DALRD3: variants seen among roughly 807,000 people sequenced by gnomAD.
The protein encoded by DALRD3 is DALR anticodon binding domain containing 3.
A neutral mutation model predicts 56.7 loss-of-function variants in DALRD3; 47 were observed. The observed-to-expected ratio is 0.83, with a 90% CI of 0.66 to 1.06. DALRD3 has a LOEUF of 1.06. DALRD3 is among the 50% of genes least tolerant of loss of function. DALRD3 has a pLI of 0.00. For missense variants in DALRD3, 787 were observed against 724.0 expected (o/e 1.09, Z -1.00); for synonymous variants, 347 against 308.5 (o/e 1.12, Z -1.31).
At position 49,018,464 on chromosome 3, in the gene DALRD3, T is replaced by C; in HGVS notation, c.101A>G (p.His34Arg). 6.3e-7 allele frequency: 1 copy of C among 1,589,168 alleles called. No individual in the cohort carries two copies. The highest frequency in any genetic ancestry group is 8.6e-7 in the Non-Finnish European group (1 of 1,168,164). Residue 34 changes from histidine to arginine, a missense_variant, in exon 1 of 12, where the codon CAC becomes CGC. Coordinates refer to ENST00000341949, the MANE Select transcript of DALRD3 (RefSeq NM_001009996.3). ...PVWIKETRTR[H>R]LRSRDFLAPH... is the part of the protein sequence containing the mutation. Reference sequence around the variant, plus strand: ...TGCCAGAAAGTCTCGGGAACGCAGGTGGCGGGTGCGCGTCTCCTTGATCCA... The same window carrying C: ...TGCCAGAAAGTCTCGGGAACGCAGGCGGCGGGTGCGCGTCTCCTTGATCCA...
In DALRD3 at chr3:49,018,475, C is replaced by A; in HGVS notation, c.90G>T (p.Thr30=). The A allele has an allele frequency of 6.3e-7, 1 of 1,587,824 alleles. No homozygotes were observed. Among genetic ancestry groups the A allele is most frequent in the Non-Finnish European group, 8.6e-7 (1 of 1,167,354 alleles). The change falls in exon 1 of 12, where the codon ACG becomes ACT. Residue 30 remains threonine, a synonymous_variant. Coordinates refer to ENST00000341949, the MANE Select transcript of DALRD3 (RefSeq NM_001009996.3). ...GPGGPVWIKE[T]RTRHLRSRDF... ...CTCGGGAACGCAGGTGGCGGGTGCGCGTCTCCTTGATCCACACCGGACCGC... is the reference window on the plus strand; with the variant it reads ...CTCGGGAACGCAGGTGGCGGGTGCGAGTCTCCTTGATCCACACCGGACCGC...
chr3:49,017,925 T>C, intron 2 of DALRD3, 56 bp from the exon 3 acceptor site: 1 of 1,548,042 alleles, frequency 6.5e-7, no homozygotes, highest in East Asian at 2.3e-5. Context: ...TCGCCACGAC[T>C]TCCCACCTCC....
chr3:49,016,183 A>AGACT lies in DALRD3; in HGVS notation c.1300_1303dup (p.Leu435GlnfsTer9). The AGACT allele has an allele frequency of 6.2e-7, 1 of 1,614,180 alleles. No individual in the cohort carries two copies. The highest frequency in any genetic ancestry group is 8.5e-7 in the Non-Finnish European group (1 of 1,180,020). On this transcript the variant is annotated frameshift_variant, in exon 9 of 12. Transcript: ENST00000341949. LOFTEE classifies it high-confidence loss of function. Reference sequence around the variant, plus strand: ...CTCATCATGTAGCAGTGAGAAGTCCAGACTGCTCACAGGAGGAAAAGTGGG... The same window carrying AGACT: ...CTCATCATGTAGCAGTGAGAAGTCCAGACTGACTGCTCACAGGAGGAAAAGTGGG...
chr3:49,017,560 G>A, intron 3 of DALRD3, 47 bp from the exon 4 acceptor site: 1 of 1,614,146 alleles, frequency 6.2e-7, no homozygotes, highest in Non-Finnish European at 8.5e-7. Context: ...AAGCAGAGAT[G>A]TGCCCCTAAC....
At chr3:49,016,376 C>T in intron 8 of DALRD3, 36 bp from the exon 9 acceptor site, 2 of 1,602,680 alleles carry the variant, frequency 1.2e-6, no homozygotes, top group East Asian at 2.2e-5. Context: ...AGAGAGAAGG[C>T]AGCCACCACA....
chr3:49,016,061 C>T lies in DALRD3; in HGVS notation c.1355G>A (p.Ser452Asn). 11 of 1,601,046 alleles carry T rather than the reference C, an allele frequency of 6.9e-6. No individual in the cohort carries two copies. The highest frequency in any genetic ancestry group is 7.7e-6 in the Non-Finnish European group (9 of 1,171,274). The change falls in exon 10 of 12, where the codon AGT becomes AAT. Residue 452 changes from serine to asparagine, a missense_variant. Physicochemically the swap from Ser to Asn is conservative, Grantham distance 46 (BLOSUM62 1). Coordinates refer to ENST00000341949, the MANE Select transcript of DALRD3 (RefSeq NM_001009996.3). ...DEGEWLLLFN[S>N]ILPFPDLLSR... is the part of the protein sequence containing the mutation. ...CAGCAGATCCGGAAAGGGGAGGATA[C>T]TGTTGAAGAGCAACAACCACTCACC...
rs2093078379 is a variant in DALRD3, at chr3:49,016,642, C to A, written c.1033G>T (p.Ala345Ser). ...FRHTQVCKAS[A>S]LKHGGDLAQD... ...GCCAGATCCCCACCATGCTTCAGTG[C>A]TGAGGCCTTGCACACCTGGGTATGC... Residue 345 changes from alanine (A) to serine (S), a missense_variant, in exon 7 of 12, where the codon GCA (alanine) becomes TCA (serine). By Grantham distance (99) the Ala-to-Ser change is moderately conservative. Coordinates refer to ENST00000341949, the MANE Select transcript of DALRD3 (RefSeq NM_001009996.3). 6.3e-7 allele frequency: 1 copy of A among 1,593,382 alleles called. No individual in the cohort carries two copies. Among genetic ancestry groups the A allele is most frequent in the Non-Finnish European group, 8.6e-7 (1 of 1,168,268 alleles).
upstream of DALRD3, chr3:49,018,592 G>A: frequency 6.6e-7 from 1 of 1,519,252 alleles, no homozygotes; most frequent in Non-Finnish European, 8.8e-7. Flanking sequence ...AGCGGAACCG[G>A]AAAAAAATTT....
rs1267702008 is a variant in DALRD3, at chr3:49,016,492, G to A, written c.1083C>T (p.Ile361=). Residue 361 remains isoleucine (I), a synonymous_variant, in exon 8 of 12, where the codon ATC becomes ATT. Transcript: ENST00000341949. The part of the protein sequence containing the change: ...DLAQDPAWTE[I]FGVLSVATIK... ...TGGTGGCCACAGAGAGAACACCAAA[G>A]ATCTCTGTCCAGGCTGGGTCTGAGG... 3 of 1,614,074 alleles carry A rather than the reference G, an allele frequency of 1.9e-6. No homozygotes were observed. The highest frequency in any genetic ancestry group is 1.1e-5 in the South Asian group (1 of 91,070).
rs1206485986 is a variant in DALRD3 at position 49,018,498 on chromosome 3, C to T, written c.67G>A (p.Gly23Ser). ...GALNAALGPG[G>S]PVWIKETRTR... is the part of the protein sequence containing the mutation. ...CGCGTCTCCTTGATCCACACCGGAC[C>T]GCCTGGCCCCAGGGCCGCGTTGAGG... Residue 23 changes from glycine (G) to serine (S), a missense_variant, in exon 1 of 12, where the codon GGT (glycine) becomes AGT (serine). Transcript: ENST00000341949. The T allele has an allele frequency of 1.9e-6, 3 of 1,586,048 alleles. No individual in the cohort carries two copies. The highest frequency in any genetic ancestry group is 4.6e-5 in the East Asian group (2 of 43,374).
chr3:49,017,916 C>T (rs754850067), intron 2 of DALRD3, 47 bp from the exon 3 acceptor site: 1 of 1,558,752 alleles, frequency 6.4e-7, no homozygotes, highest in Non-Finnish European at 8.6e-7. Context: ...TGGTCCAGCT[C>T]GCCACGACTT....
chr3:49,017,270 G>T lies in DALRD3; in HGVS notation c.885C>A (p.Asp295Glu), dbSNP rs780831065. The T allele has an allele frequency of 6.2e-7, 1 of 1,614,156 alleles. No individual in the cohort carries two copies. The highest frequency in any genetic ancestry group is 8.5e-7 in the Non-Finnish European group (1 of 1,180,018). ...TGTCAACCAACTTCTGCCAAAGCAG[G>T]TCCAACTTCTGTTGCTGGAACTCCT... ...CEEEFQQQKLDLLWQKLVDKA... is the reference protein window; with the variant it reads ...CEEEFQQQKLELLWQKLVDKA... Residue 295 changes from aspartate to glutamate, a missense_variant, in exon 5 of 12, where the codon GAC (aspartate) becomes GAA (glutamate). Coordinates refer to ENST00000341949, the MANE Select transcript of DALRD3 (RefSeq NM_001009996.3).
chr3:49,018,214 C>T lies in DALRD3; in HGVS notation c.270G>A (p.Gln90=). The stretch of plus-strand genomic sequence containing the variant: ...GGACGCGCTCGAAGACGGCGGACCG[C>T]TGCAGTTGGAGAGACAGACCCGCGG... ...PTPAGLSLQL[Q]RSAVFERVLS... is the part of the protein sequence containing the mutation. The change falls in exon 2 of 12, where the codon CAG becomes CAA. Residue 90 remains glutamine, a synonymous_variant. Coordinates refer to ENST00000341949, the MANE Select transcript of DALRD3 (RefSeq NM_001009996.3). 1.4e-6 allele frequency: 2 copies of T among 1,444,426 alleles called. No individual in the cohort carries two copies. Among genetic ancestry groups the T allele is most frequent in the African/African-American group, 1.5e-5 (1 of 68,082 alleles). The allele number at this position is 1,444,426 out of a possible 1,614,324, so 89.5% of individuals were successfully genotyped here.
At chr3:49,018,817 G>A (rs1003158995), upstream of DALRD3, 17 of 985,460 alleles carry the variant, frequency 1.7e-5, no homozygotes, top group African/African-American at 2.8e-4. Context: ...TGTGACCCAG[G>A]CCTTAACCAG....
Position 49,016,027 on chromosome 3 carries a change from T to C in DALRD3, c.1389A>G (p.Thr463=). 2 of 1,603,936 alleles carry C rather than the reference T, an allele frequency of 1.2e-6. No individual in the cohort carries two copies. Among genetic ancestry groups the C allele is most frequent in the South Asian group, 1.1e-5 (1 of 90,134 alleles). ...ILPFPDLLSR[T]AVLDCTAPGL... ...CCGGGGCTGTGCAGTCCAGCACTGCTGTCCGGCTCAGCAGATCCGGAAAGG... is the reference window on the plus strand; with the variant it reads ...CCGGGGCTGTGCAGTCCAGCACTGCCGTCCGGCTCAGCAGATCCGGAAAGG... The change falls in exon 10 of 12, where the codon ACA becomes ACG. Residue 463 remains threonine, a synonymous_variant. Coordinates refer to ENST00000341949, the MANE Select transcript of DALRD3 (RefSeq NM_001009996.3).
chr3:49,017,814 G>C lies in DALRD3; in HGVS notation c.517C>G (p.Gln173Glu), dbSNP rs758689843. The change falls in exon 3 of 12, where the codon CAG becomes GAG. Residue 173 changes from glutamine to glutamate, a missense_variant. Gln to Glu is a conservative substitution (Grantham distance 29). Transcript: ENST00000341949. ...VRDPHMLTFL[Q>E]QLRVDWPAAS... is the part of the protein sequence containing the mutation. ...GCGGGCCAGTCCACCCGCAGTTGCT[G>C]CAGGAAGGTCAGCATGTGCGGATCC... 2 of 1,612,056 alleles carry C rather than the reference G, an allele frequency of 1.2e-6. No individual in the cohort carries two copies. The highest frequency in any genetic ancestry group is 1.7e-6 in the Non-Finnish European group (2 of 1,179,984).
chr3:49,017,405 G>C, intron 4 of DALRD3, 29 bp downstream of exon 4: 1 of 1,614,148 alleles, frequency 6.2e-7, no homozygotes, highest in Non-Finnish European at 8.5e-7. Flanking sequence ...CTTGGTTTGG[G>C]AGAACCTACA....
Position 49,018,054 on chromosome 3 carries a change from C to G in DALRD3, c.430G>C (p.Asp144His), listed in dbSNP as rs371931327. 2.0e-5 allele frequency: 30 copies of G among 1,489,792 alleles called. No homozygotes were observed. Among genetic ancestry groups the G allele is most frequent in the Non-Finnish European group, 2.7e-5 (30 of 1,130,156 alleles). The allele number at this position is 1,489,792 out of a possible 1,614,324, so 92.3% of individuals were successfully genotyped here. The change falls in exon 2 of 12, where the codon GAT becomes CAT. Residue 144 changes from aspartate to histidine, a missense_variant. Asp to His is a moderately conservative substitution (Grantham distance 81, BLOSUM62 -1). Coordinates refer to ENST00000341949, the MANE Select transcript of DALRD3 (RefSeq NM_001009996.3). ...GCGCGCAGGGCTCGCGCCAGGTGAT[C>G]GGCCACGAGCACCGTACGCAGCTGG... ...LSQLRTVLVA[D>H]HLARALRAHG... is the part of the protein sequence containing the mutation.
At chr3:49,020,229 G>A (rs1302210268), upstream of DALRD3, 2 of 534,596 alleles carry the variant, frequency 3.7e-6, no homozygotes, top group African/African-American at 1.9e-5. Context: ...ATTCCAAAGC[G>A]CTTTCCATTC....
Sources: allele counts gnomAD v4.1 joint callset, GRCh38; gene constraint gnomAD v4.1.1; transcripts MANE v1.5; gene names NCBI Gene and HGNC (gene_info 2026-07-23, HGNC 2026-07-21).